MDGA2: variants seen among roughly 807,000 people sequenced by gnomAD.
MDGA2 encodes the protein MAM domain containing glycosylphosphatidylinositol anchor 2.
MDGA2 carries 40 observed loss-of-function variants against 117.8 expected under a neutral mutation model. The observed-to-expected ratio is 0.34, with a 90% confidence interval of 0.26 to 0.44. MDGA2 has a LOEUF of 0.44. MDGA2 is among the 20% of genes least tolerant of loss of function. The pLI, the probability that MDGA2 is intolerant of heterozygous loss-of-function variation, is 1.00. For missense variants in MDGA2, 1,123 were observed against 1,250.6 expected, an observed-to-expected ratio of 0.90 and a Z score of 1.54; for synonymous variants, 452 against 439.0, an observed-to-expected ratio of 1.03 and a Z score of -0.37.
intron 6 of MDGA2, among the ~76,000 whole-genome samples, chr14:47,092,752 G>A (rs959554800): frequency 4.6e-5 from 7 of 152,134 alleles, no homozygotes; most frequent in African/African-American, 1.4e-4. Flanking sequence ...CCAACAGACA[G>A]ATGTGAGTCT....
At chr14:46,965,156 C>T (rs1428412647) in intron 8 of MDGA2, among the ~76,000 whole-genome samples, 1 of 120,880 alleles carries the variant, frequency 8.3e-6, no homozygotes, top group East Asian at 2.5e-4. Flanking sequence ...ATCTCCTGAC[C>T]TCGTGATCCG....
At chr14:47,350,243 G>A (rs1362823000) in intron 1 of MDGA2, among the ~76,000 whole-genome samples, 1 of 152,106 alleles carries the variant, frequency 6.6e-6, no homozygotes, top group Admixed American at 6.5e-5. Flanking sequence ...GTTCACCCAA[G>A]GGCACTAGCG....
At chr14:47,074,752 G>A (rs960754420) in intron 6 of MDGA2, among the ~76,000 whole-genome samples, 2 of 151,958 alleles carry the variant, frequency 1.3e-5, no homozygotes, top group African/African-American at 4.8e-5. Flanking sequence ...CTGAATCTGG[G>A]CACCTCTTGT....
chr14:47,561,141 G>GTTTGTTTTTTT (rs1555332241), intron 1 of MDGA2, among the ~76,000 whole-genome samples: 1 of 52,148 alleles, frequency 1.9e-5, no homozygotes, highest in South Asian at 1.1e-3. Flanking sequence ...CTCTATCTTT[G>GTTTGTTTTTTT]TTTTTTTTTT....
chr14:47,327,299 A>G (rs1022026201), intron 1 of MDGA2, among the ~76,000 whole-genome samples: 1 of 152,188 alleles, frequency 6.6e-6, no homozygotes, highest in African/African-American at 2.4e-5. Context: ...AGCCAGGTAG[A>G]CAGGGTTAGA....
chr14:47,079,406 G>T (rs1032189576), intron 6 of MDGA2, among the ~76,000 whole-genome samples: 4 of 152,096 alleles, frequency 2.6e-5, no homozygotes, highest in Non-Finnish European at 5.9e-5. Context: ...GAAAAATTCA[G>T]CATGGAATTA....
chr14:47,102,640 G>A (rs1277108791), intron 5 of MDGA2, among the ~76,000 whole-genome samples: 1 of 152,138 alleles, frequency 6.6e-6, no homozygotes, highest in Non-Finnish European at 1.5e-5. Context: ...GCTCCCAGCT[G>A]CTAGGAACCC....
chr14:46,908,783 G>T (rs1204475726), intron 10 of MDGA2, among the ~76,000 whole-genome samples: 1 of 152,104 alleles, frequency 6.6e-6, no homozygotes, highest in African/African-American at 2.4e-5. Flanking sequence ...AATGTCAAAT[G>T]AACATGAGAG....
chr14:47,479,290 T>G (rs1267932856), intron 1 of MDGA2, among the ~76,000 whole-genome samples: 2 of 152,126 alleles, frequency 1.3e-5, no homozygotes. Context: ...ATACTTTTAA[T>G]GCTATTGTCC....
At chr14:47,306,268 G>A (rs1189662514) in intron 1 of MDGA2, 1 of 152,168 alleles carries the variant, frequency 6.6e-6, no homozygotes, top group African/African-American at 2.4e-5. Flanking sequence ...CTGACTAGGT[G>A]AAAGATGACA....
At chr14:47,198,310 C>T (rs1310172402) in intron 3 of MDGA2, among the ~76,000 whole-genome samples, 2 of 152,292 alleles carry the variant, frequency 1.3e-5, no homozygotes, top group East Asian at 1.9e-4. Context: ...TGGTGGCTCA[C>T]GCCTGTAATC....
At chr14:47,554,106 C>A (rs1039616535) in intron 1 of MDGA2, among the ~76,000 whole-genome samples, 1 of 152,114 alleles carries the variant, frequency 6.6e-6, no homozygotes, top group Non-Finnish European at 1.5e-5. Flanking sequence ...TCTCTGGATG[C>A]CTATGTCCTG....
chr14:46,892,289 T>TG (rs2138420556), intron 10 of MDGA2, among the ~76,000 whole-genome samples: 1 of 151,230 alleles, frequency 6.6e-6, no homozygotes, highest in South Asian at 2.1e-4. Flanking sequence ...GTAAATAGTG[T>TG]GGGAAAATGA....
chr14:47,103,932 A>C lies in MDGA2; in HGVS notation c.926-6809T>G, dbSNP rs183742112. 3.7e-4 allele frequency among the ~76,000 whole-genome samples: 57 copies of C among 152,290 alleles called. 1 individual carries two copies. In the East Asian group the frequency reaches 6.8e-3, roughly 18 times the overall value. On this transcript the variant is annotated intron_variant, in intron 5 of 16. Coordinates refer to ENST00000399232, the MANE Select transcript of MDGA2 (RefSeq NM_001113498.3). ...CTGTGACAGTAAGCTGTGATATATC[A>C]GCGAACAAAAGAGTCAAAGAATCCC...
At chr14:47,023,431 C>G (rs982669714) in intron 8 of MDGA2, among the ~76,000 whole-genome samples, 2 of 152,212 alleles carry the variant, frequency 1.3e-5, no homozygotes, top group African/African-American at 2.4e-5. Context: ...TTGTCAAACA[C>G]TGGTCTAAAT....
intron 1 of MDGA2, among the ~76,000 whole-genome samples, chr14:47,354,894 G>T (rs1890960169): frequency 6.6e-6 from 1 of 152,040 alleles, no homozygotes; most frequent in Non-Finnish European, 1.5e-5. Flanking sequence ...CTTTAGGTGT[G>T]TGTGGTGGGC....
intron 6 of MDGA2, among the ~76,000 whole-genome samples, chr14:47,079,604 G>A (rs570017886): frequency 1.3e-5 from 2 of 151,640 alleles, no homozygotes; most frequent in Non-Finnish European, 2.9e-5. Context: ...TTTTACTTTA[G>A]AAAGACATTT....
At chr14:47,442,160 T>C (rs775216651) in intron 1 of MDGA2, among the ~76,000 whole-genome samples, 1 of 152,180 alleles carries the variant, frequency 6.6e-6, no homozygotes, top group Non-Finnish European at 1.5e-5. Flanking sequence ...ATGGAGAGGA[T>C]ACTTTGAGTT....
At chr14:47,013,642 C>A (rs1887971951) in intron 8 of MDGA2, among the ~76,000 whole-genome samples, 1 of 151,390 alleles carries the variant, frequency 6.6e-6, no homozygotes, top group Non-Finnish European at 1.5e-5. Context: ...AGAAGATCCA[C>A]TACCTATGAT....
Sources: gnomAD v4.1 joint callset for allele counts (sites outside exome capture counted in the v4.1 genomes callset) on GRCh38, gnomAD v4.1.1 for gene constraint, MANE v1.5 for transcripts, NCBI Gene and HGNC (gene_info 2026-07-23, HGNC 2026-07-21) for gene names.